The following LIN54 variants were observed in gnomAD, a reference collection of about 807,000 sequenced individuals.
LIN54 encodes lin-54 DREAM MuvB core complex component, also known as protein lin-54 homolog.
LIN54 carries 9 observed loss-of-function variants against 78.7 expected under a neutral mutation model. The observed-to-expected ratio is 0.11, with a 90% CI of 0.07 to 0.20. The LOEUF is 0.20. Ranked by LOEUF, LIN54 falls within the 10% of genes least tolerant of loss-of-function variation. The pLI, the probability that LIN54 is intolerant of heterozygous loss-of-function variation, is 1.00. For missense variants in LIN54, 573 were observed against 889.9 expected (o/e 0.64, Z 4.53); for synonymous variants, 269 against 318.4 (o/e 0.84, Z 1.65).
chr4:82,954,528 C>T (rs575860383), intron 4 of LIN54, among the ~76,000 whole-genome samples: 1 of 152,070 alleles, frequency 6.6e-6, no homozygotes, highest in Non-Finnish European at 1.5e-5. Flanking sequence ...GGTGACTCTC[C>T]CACTTCAGCC....
intron 1 of LIN54, among the ~76,000 whole-genome samples, chr4:82,990,565 G>A (rs1016650493): frequency 2.0e-5 from 3 of 151,798 alleles, no homozygotes; most frequent in African/African-American, 7.3e-5. Context: ...CTCATTGCAA[G>A]CTCCGCCTCC....
intron 1 of LIN54, among the ~76,000 whole-genome samples, chr4:83,000,547 T>C (rs1409882114): frequency 2.0e-5 from 3 of 152,314 alleles, no homozygotes; most frequent in Admixed American, 1.3e-4. Flanking sequence ...TTAAAATTCC[T>C]TTGATATTGG....
At chr4:82,970,281 G>A (rs746951026) in intron 4 of LIN54, 46 bp downstream of exon 4, 10 of 1,565,862 alleles carry the variant, frequency 6.4e-6, no homozygotes, top group African/African-American at 1.4e-5. Flanking sequence ...GAAAATAAAG[G>A]CATCAACCAC....
chr4:82,949,293 T>C (rs1723654947), intron 4 of LIN54, among the ~76,000 whole-genome samples: 1 of 152,258 alleles, frequency 6.6e-6, no homozygotes, highest in South Asian at 2.1e-4. Context: ...CATATGTCTG[T>C]TGGCCATTTT....
In LIN54 at chr4:83,010,713, C is replaced by A; in HGVS notation, c.-262G>T. The stretch of plus-strand genomic sequence containing the variant: ...CCGCCGCCTCTGGTATGTCAGGGGC[C>A]GGGATTGTATTTCGAAAGATCCGCC... On this transcript the variant is annotated 5_prime_UTR_variant, in exon 1 of 13. Transcript: ENST00000340417. 8.1e-7 allele frequency: 1 copy of A among 1,231,428 alleles called. No homozygotes were observed. The highest frequency in any genetic ancestry group is 1.0e-6 in the Non-Finnish European group (1 of 987,598). 76.3% of individuals were successfully genotyped at this position (1,231,428 alleles called of 1,614,324 possible).
intron 11 of LIN54, among the ~76,000 whole-genome samples, chr4:82,931,470 G>C (rs1002601569): frequency 9.9e-5 from 15 of 152,002 alleles, no homozygotes; most frequent in Non-Finnish European, 1.8e-4. Flanking sequence ...AAAAATAAAG[G>C]TCATCCAGAA....
rs1560708301 is a variant in LIN54, at chr4:82,927,017, T to TGG, written c.*1084_*1085insCC. 6.6e-6 allele frequency: 1 copy of TGG among 152,352 alleles called. No individual in the cohort carries two copies. The highest frequency in any genetic ancestry group is 1.5e-5 in the Non-Finnish European group (1 of 68,260). 9.4% of individuals were successfully genotyped at this position (152,352 alleles called of 1,614,324 possible). On this transcript the variant is annotated 3_prime_UTR_variant, in exon 13 of 13. Coordinates refer to ENST00000340417, the MANE Select transcript of LIN54 (RefSeq NM_194282.4). The stretch of plus-strand genomic sequence containing the variant: ...AAAAAATGAGCCGGGCATGGTGGCA[T>TGG]GCACCTGTAGTCCCAGCTACACGGG...
chr4:82,951,962 A>G (rs1445016199), intron 4 of LIN54, among the ~76,000 whole-genome samples: 1 of 152,160 alleles, frequency 6.6e-6, no homozygotes, highest in Non-Finnish European at 1.5e-5. Flanking sequence ...CTAACAAATT[A>G]CACACAAATG....
Position 82,937,329 on chromosome 4 carries a change from A to T in LIN54, c.1533-31T>A, listed in dbSNP as rs560594392. ...CAGATAGAAAAAAAGATATACATTT[A>T]ATCAATTAATAGTAACTAAAATTAA... On this transcript the variant is annotated intron_variant, in intron 8 of 12. Transcript: ENST00000340417. 9.0e-6 allele frequency: 13 copies of T among 1,438,884 alleles called. 1 individual carries two copies. The East Asian group carries it at 2.8e-4, about 31-fold the overall frequency. 89.1% of individuals were successfully genotyped at this position (1,438,884 alleles called of 1,614,324 possible).
intron 4 of LIN54, among the ~76,000 whole-genome samples, chr4:82,956,591 G>A (rs1310084055): frequency 1.3e-5 from 2 of 152,014 alleles, no homozygotes; most frequent in Non-Finnish European, 2.9e-5. Context: ...CTCCTGCCTG[G>A]GTGACAGAAT....
At chr4:82,971,158 A>C (rs887719009) in intron 3 of LIN54, among the ~76,000 whole-genome samples, 1 of 152,156 alleles carries the variant, frequency 6.6e-6, no homozygotes, top group Non-Finnish European at 1.5e-5. Context: ...ACAAAGACAT[A>C]ACAGATCTTC....
intron 4 of LIN54, among the ~76,000 whole-genome samples, chr4:82,949,052 T>C (rs1723635840): frequency 6.6e-6 from 1 of 152,200 alleles, no homozygotes; most frequent in Non-Finnish European, 1.5e-5. Context: ...TGCTGGGTCA[T>C]GTGGTAGTTC....
intron 1 of LIN54, among the ~76,000 whole-genome samples, chr4:83,000,827 C>CTTTTTTTTTTTTTTTTTTTTTTTTT (rs1553959274): frequency 5.8e-5 from 7 of 120,534 alleles, no homozygotes; most frequent in Admixed American, 9.3e-5. Flanking sequence ...GCAATAAATT[C>CTTTTTTTTTTTTTTTTTTTTTTTTT]TTTTTTTTTT....
chr4:83,009,651 T>C (rs1729693355), intron 1 of LIN54, among the ~76,000 whole-genome samples: 1 of 152,182 alleles, frequency 6.6e-6, no homozygotes, highest in African/African-American at 2.4e-5. Flanking sequence ...AACAAAGGGC[T>C]AGGCTAATCA....
intron 5 of LIN54, 94 bp from the exon 6 acceptor site, chr4:82,940,056 T>C: frequency 1.2e-6 from 1 of 826,228 alleles, no homozygotes; most frequent in Non-Finnish European, 1.9e-6. Context: ...GTTATTCTCA[T>C]AAAAGAGCTT....
rs575534491 is a variant in LIN54 at position 82,926,454 on chromosome 4, A to C, written c.*1648T>G. 6.6e-6 allele frequency: 1 copy of C among 152,574 alleles called. No individual in the cohort carries two copies. The highest frequency in any genetic ancestry group is 2.4e-5 in the African/African-American group (1 of 41,444). The allele number at this position is 152,574 out of a possible 1,614,324, so 9.5% of individuals were successfully genotyped here. ...TCCTCTTTTGGATTACTTAATTTCT[A>C]TTGCCTATATCTTGCATGTTCATAT... On this transcript the variant is annotated 3_prime_UTR_variant, in exon 13 of 13. Coordinates refer to ENST00000340417, the MANE Select transcript of LIN54 (RefSeq NM_194282.4).
At chr4:82,942,420 G>A (rs1046222788) in intron 5 of LIN54, among the ~76,000 whole-genome samples, 8 of 152,156 alleles carry the variant, frequency 5.3e-5, no homozygotes, top group Admixed American at 3.3e-4. Flanking sequence ...ATCTCAGTAA[G>A]GTTGTTATAC....
chr4:82,950,085 A>G (rs1412284172), intron 4 of LIN54, among the ~76,000 whole-genome samples: 2 of 152,002 alleles, frequency 1.3e-5, no homozygotes, highest in Non-Finnish European at 2.9e-5. Context: ...TACAAGTTGT[A>G]AAGTATGCTC....
At chr4:82,974,675 T>C (rs1578584970) in intron 3 of LIN54, among the ~76,000 whole-genome samples, 1 of 152,108 alleles carries the variant, frequency 6.6e-6, no homozygotes, top group Non-Finnish European at 1.5e-5. Flanking sequence ...AGGCAGAGGT[T>C]GCAGTGAGCC....
Sources: gnomAD v4.1 joint callset for allele counts (sites outside exome capture counted in the v4.1 genomes callset) on GRCh38, gnomAD v4.1.1 for gene constraint, MANE v1.5 for transcripts, NCBI Gene and HGNC (gene_info 2026-07-23, HGNC 2026-07-21) for gene names.